Variants in ADCY2 observed in about 807,000 individuals in gnomAD.
The protein encoded by ADCY2 is adenylate cyclase type 2.
Under a neutral mutation model 125.2 loss-of-function variants are expected in ADCY2, and 31 were observed. That is an observed-to-expected ratio of 0.25 (90% CI 0.19 to 0.33). The LOEUF is 0.33. Among genes scored for constraint, ADCY2 ranks in the 10% least tolerant of loss-of-function variants. The pLI, the probability that ADCY2 is intolerant of heterozygous loss-of-function variation, is 1.00. For synonymous variants in ADCY2, 512 were observed against 548.4 expected, an observed-to-expected ratio of 0.93 and a Z score of 0.93; for missense variants, 904 against 1,418.2, an observed-to-expected ratio of 0.64 and a Z score of 5.82.
At chr5:7,460,449 AT>A (rs1561038201) in intron 2 of ADCY2, among the ~76,000 whole-genome samples, 1 of 152,154 alleles carries the variant, frequency 6.6e-6, no homozygotes. Flanking sequence ...CTCTTTTACT[AT>A]AGTTGTTTTT....
intron 24 of ADCY2, 71 bp from the exon 25 acceptor site, chr5:7,826,648 C>T: frequency 1.9e-6 from 3 of 1,601,062 alleles, no homozygotes; most frequent in Non-Finnish European, 2.6e-6. Flanking sequence ...TTTAGCTCTG[C>T]ATCCTTGAGT....
At chr5:7,413,287 GGT>G in intron 1 of ADCY2, among the ~76,000 whole-genome samples, 1 of 151,826 alleles carries the variant, frequency 6.6e-6, no homozygotes, top group South Asian at 2.1e-4. Context: ...CCAGCCTTGG[GGT>G]TTTTTTTTTC....
chr5:7,507,299 G>T, intron 2 of ADCY2, among the ~76,000 whole-genome samples: 1 of 144,038 alleles, frequency 6.9e-6, no homozygotes. Flanking sequence ...AAATTAGCCG[G>T]GCGTAGTGGC....
intron 24 of ADCY2, chr5:7,826,479 T>C (rs1020786062): frequency 1.6e-6 from 1 of 623,548 alleles, no homozygotes; most frequent in Non-Finnish European, 2.9e-6. Context: ...CGTAGTTTAC[T>C]GGAGTTACTT....
At chr5:7,826,559 T>C in intron 24 of ADCY2, 160 bp from the exon 25 acceptor site, 1 of 938,264 alleles carries the variant, frequency 1.1e-6, no homozygotes, top group Non-Finnish European at 1.7e-6. Context: ...TTTACAACCT[T>C]TTTTTCTTGT....
rs60022734 is a variant in ADCY2, at chr5:7,462,308, A to G, written c.408+47538A>G. ...TCAGACTAATTAATGAAAATGTTTAAAAAATACTGGCAGATGAAAGTAATA... is the reference window on the plus strand; with the variant it reads ...TCAGACTAATTAATGAAAATGTTTAGAAAATACTGGCAGATGAAAGTAATA... On this transcript the variant is annotated intron_variant, in intron 2 of 24. Transcript: ENST00000338316. 1.3e-3 allele frequency among the ~76,000 whole-genome samples: 201 copies of G among 152,334 alleles called. 1 individual carries two copies. The highest frequency in any genetic ancestry group is 4.4e-3 in the African/African-American group (183 of 41,578).
At chr5:7,473,837 C>T (rs1460299473) in intron 2 of ADCY2, among the ~76,000 whole-genome samples, 1 of 152,214 alleles carries the variant, frequency 6.6e-6, no homozygotes, top group African/African-American at 2.4e-5. Flanking sequence ...GGAGAAAAGC[C>T]TGTAAACAGG....
At chr5:7,720,909 C>A (rs2126385255) in intron 12 of ADCY2, among the ~76,000 whole-genome samples, 1 of 152,286 alleles carries the variant, frequency 6.6e-6, no homozygotes, top group Middle Eastern at 3.4e-3. Flanking sequence ...TGGGTATATA[C>A]CCAGTAATGG....
At chr5:7,536,610 T>C (rs981353922) in intron 3 of ADCY2, among the ~76,000 whole-genome samples, 2 of 152,234 alleles carry the variant, frequency 1.3e-5, no homozygotes, top group African/African-American at 4.8e-5. Flanking sequence ...ACATTTTTAG[T>C]TCTTTTTGTT....
At chr5:7,785,775 A>T (rs1160698130) in intron 19 of ADCY2, among the ~76,000 whole-genome samples, 2 of 152,094 alleles carry the variant, frequency 1.3e-5, no homozygotes, top group Non-Finnish European at 2.9e-5. Flanking sequence ...CATACTGGGG[A>T]TGCTTTTTCC....
chr5:7,548,686 T>C (rs542605528), intron 3 of ADCY2, among the ~76,000 whole-genome samples: 1 of 152,270 alleles, frequency 6.6e-6, no homozygotes, highest in African/African-American at 2.4e-5. Flanking sequence ...ATCTGAAATG[T>C]TTTTTCAGGC....
At chr5:7,782,532 T>C (rs1579429807) in intron 18 of ADCY2, among the ~76,000 whole-genome samples, 1 of 152,222 alleles carries the variant, frequency 6.6e-6, no homozygotes, top group African/African-American at 2.4e-5. Flanking sequence ...GTTGCACTAA[T>C]GAAGCTCCTA....
chr5:7,484,633 C>G (rs904895873), intron 2 of ADCY2, among the ~76,000 whole-genome samples: 55 of 152,184 alleles, frequency 3.6e-4, no homozygotes, highest in Non-Finnish European at 1.0e-4. Context: ...CTTCCACCAC[C>G]ACATCCAAAT....
chr5:7,747,308 C>G (rs891637174), intron 15 of ADCY2, among the ~76,000 whole-genome samples: 1 of 152,238 alleles, frequency 6.6e-6, no homozygotes, highest in Admixed American at 6.5e-5. Flanking sequence ...AGCTTAGCCT[C>G]CATCATATAA....
At chr5:7,645,561 T>C (rs964697692) in intron 4 of ADCY2, among the ~76,000 whole-genome samples, 3 of 152,174 alleles carry the variant, frequency 2.0e-5, no homozygotes, top group Non-Finnish European at 4.4e-5. Flanking sequence ...ACTGGTTGGA[T>C]CACCAGGTTA....
chr5:7,591,776 A>G (rs1247347414), intron 3 of ADCY2, among the ~76,000 whole-genome samples: 4 of 152,196 alleles, frequency 2.6e-5, no homozygotes, highest in Admixed American at 6.5e-5. Flanking sequence ...GTTAGAAGTC[A>G]TTGGATATTA....
intron 3 of ADCY2, among the ~76,000 whole-genome samples, chr5:7,536,253 TATTGCAG>T (rs1478410820): frequency 2.0e-5 from 3 of 152,226 alleles, no homozygotes. Flanking sequence ...GGAAGTCCTA[TATTGCAG>T]ACATGGGGGT....
chr5:7,459,171 C>G (rs201767491), intron 2 of ADCY2, among the ~76,000 whole-genome samples: 1 of 152,122 alleles, frequency 6.6e-6, no homozygotes, highest in Non-Finnish European at 1.5e-5. Flanking sequence ...GGAAAAGGAC[C>G]AAGCCAATTC....
intron 3 of ADCY2, among the ~76,000 whole-genome samples, chr5:7,623,096 A>G (rs187161745): frequency 7.9e-5 from 12 of 152,326 alleles, no homozygotes; most frequent in African/African-American, 2.9e-4. Context: ...CAGTGTCGGT[A>G]TCAAAGTACC....
Sources: allele counts gnomAD v4.1 joint callset (sites outside exome capture counted in the v4.1 genomes callset), GRCh38; gene constraint gnomAD v4.1.1; transcripts MANE v1.5; gene names NCBI Gene and HGNC (gene_info 2026-07-23, HGNC 2026-07-21).